The following HK3 variants were observed in gnomAD, a reference collection of about 807,000 sequenced individuals.
The protein encoded by HK3 is hexokinase-3.
HK3 carries 93 observed loss-of-function variants against 91.0 expected under a neutral mutation model. The ratio of observed to expected loss-of-function variants is 1.02; its 90% confidence interval spans 0.86 to 1.21. HK3 has a LOEUF of 1.21. HK3 is among the 50% of genes most tolerant of loss of function. The probability of loss-of-function intolerance (pLI) is 0.00; values close to 1 mark genes in which losing one functional copy is unlikely to be tolerated. For missense variants in HK3, 1,235 were observed against 1,247.4 expected (o/e 0.99, Z 0.15); for synonymous variants, 519 against 516.9 (o/e 1.00, Z -0.06).
Position 176,881,804 on chromosome 5 carries a change from G to A in HK3, c.2281C>T (p.Arg761Cys), listed in dbSNP as rs190052913. 9.9e-6 allele frequency: 16 copies of A among 1,614,074 alleles called. No homozygotes were observed. The highest frequency in any genetic ancestry group is 6.6e-5 in the South Asian group (6 of 91,084). ...CTGGTTAAATGTAAAAGGATGTGGC[G>A]GACGATCTCCCCCAGGTACATGCCG... ...ISGMYLGEIV[R>C]HILLHLTSLG... Residue 761 changes from arginine (R) to cysteine (C), a missense_variant, in exon 17 of 19, where the codon CGC becomes TGC. Arg to Cys is a radical substitution (Grantham distance 180). Around this residue, in one of 3 missense-constraint regions of HK3, gnomAD observed 513 missense variants for 477.4 expected, o/e 1.07. Coordinates refer to ENST00000292432, the MANE Select transcript of HK3 (RefSeq NM_002115.3).
chr5:176,890,281 G>A (rs186171152), intron 6 of HK3, among the ~76,000 whole-genome samples: 12 of 152,170 alleles, frequency 7.9e-5, no homozygotes, highest in African/African-American at 2.4e-4. Context: ...TGCTTCCTCC[G>A]TAGTGCTCCC....
chr5:176,888,723 C>T lies in HK3; in HGVS notation c.1056G>A (p.Val352=). ...LSQGSILLEH[V]AEMEDPSTGA... ...CCCCGACTCACTCCTCCATCTCAGC[C>T]ACGTGTTCCAGGAGGATGCTGCCTT... The change falls in exon 9 of 19, where the codon GTG becomes GTA. Residue 352 remains valine (V), a synonymous_variant. Transcript: ENST00000292432. 6.2e-7 allele frequency: 1 copy of T among 1,614,220 alleles called. No homozygotes were observed. Among genetic ancestry groups the T allele is most frequent in the Non-Finnish European group, 8.5e-7 (1 of 1,180,040 alleles).
intron 2 of HK3, among the ~76,000 whole-genome samples, chr5:176,895,141 C>T (rs1480771449): frequency 6.8e-6 from 1 of 146,566 alleles, no homozygotes; most frequent in Middle Eastern, 3.7e-3. Flanking sequence ...TGCACTGCCA[C>T]AATTTTGGCT....
At position 176,886,910 on chromosome 5, in the gene HK3, G is replaced by A. The variant is rs576189197; in HGVS notation, c.1857+92C>T. On this transcript the variant is annotated intron_variant, in intron 13 of 18. Coordinates refer to ENST00000292432, the MANE Select transcript of HK3 (RefSeq NM_002115.3). ...CACCACCAACCCCAGACCCGCCACCGCCCAGCCTTTTCCCCTGCCTCCTGC... is the reference window on the plus strand; with the variant it reads ...CACCACCAACCCCAGACCCGCCACCACCCAGCCTTTTCCCCTGCCTCCTGC... 1,615 of 1,479,128 alleles carry A rather than the reference G, an allele frequency of 1.1e-3. 2 individuals are homozygous for A. In the Middle Eastern group the frequency reaches 0.012, roughly 11 times the overall value. 91.6% of individuals were successfully genotyped at this position (1,479,128 alleles called of 1,614,324 possible). A position where few individuals can be genotyped will look rare whatever the true frequency, so the allele number is the denominator to read the frequency against.
At chr5:176,886,916 C>T in intron 13 of HK3, 86 bp downstream of exon 13, 1 of 1,522,892 alleles carries the variant, frequency 6.6e-7, no homozygotes, top group Non-Finnish European at 8.9e-7. Context: ...CACCGCCCAG[C>T]CTTTTCCCCT....
chr5:176,882,521 G>C (rs1016357210), intron 15 of HK3, among the ~76,000 whole-genome samples: 7 of 152,216 alleles, frequency 4.6e-5, no homozygotes, highest in African/African-American at 1.7e-4. Context: ...AAGAGGTGCT[G>C]GGCCAAGAGC....
At position 176,887,130 on chromosome 5, in the gene HK3, C is replaced by G; in HGVS notation, c.1738-9G>C. 1 of 1,614,194 alleles carries G rather than the reference C, an allele frequency of 6.2e-7. No homozygotes were observed. The highest frequency in any genetic ancestry group is 1.1e-5 in the South Asian group (1 of 91,086). On this transcript the variant is annotated splice_polypyrimidine_tract_variant and intron_variant, in intron 12 of 18. Coordinates refer to ENST00000292432, the MANE Select transcript of HK3 (RefSeq NM_002115.3). This position sits in a 1 kb window ranked among gnomAD's most constrained non-coding sequence, Gnocchi z 4.9. Reference sequence around the variant, plus strand: ...ACGATGTGGTCAAAGAGCTGTGGGGCAGGACAGGTCAGGCGTAGGCACTGC... The same window carrying G: ...ACGATGTGGTCAAAGAGCTGTGGGGGAGGACAGGTCAGGCGTAGGCACTGC...
Position 176,883,762 on chromosome 5 carries a change from C to T in HK3, c.2053+8G>A. On this transcript the variant is annotated splice_region_variant and intron_variant, in intron 15 of 18. Transcript: ENST00000292432. ...AGTAGGGGCATGAAAGGGCAGGGCC[C>T]TCCTCACCGACAATGAGGCCTATCT... 6.2e-7 allele frequency: 1 copy of T among 1,605,942 alleles called. No homozygotes were observed. The highest frequency in any genetic ancestry group is 8.5e-7 in the Non-Finnish European group (1 of 1,172,846).
chr5:176,887,605 C>T lies in HK3; in HGVS notation c.1446G>A (p.Leu482=), dbSNP rs1223346700. The change falls in exon 11 of 19, where the codon CTG becomes CTA. Residue 482 remains leucine (L), a synonymous_variant. Coordinates refer to ENST00000292432, the MANE Select transcript of HK3 (RefSeq NM_002115.3). This position sits in a 1 kb window ranked among gnomAD's most constrained non-coding sequence, Gnocchi z 4.9. ...GGAATGGGGCCAGGGTCTCCTCCAG[C>T]AGGCGCCGGTGGGCAGCCAGACGGG... ...VAARLAAHRR[L]LEETLAPFRL... is the part of the protein sequence containing the mutation. 1 of 1,613,806 alleles carries T rather than the reference C, an allele frequency of 6.2e-7. No homozygotes were observed. The highest frequency in any genetic ancestry group is 8.5e-7 in the Non-Finnish European group (1 of 1,179,982).
chr5:176,882,379 G>T (rs1036660004), intron 15 of HK3, among the ~76,000 whole-genome samples: 5 of 152,132 alleles, frequency 3.3e-5, no homozygotes, highest in Non-Finnish European at 7.3e-5. Context: ...CCACCCCCAA[G>T]TGCTCCTACA....
At chr5:176,883,904 A>G (rs550062516) in intron 14 of HK3, 35 bp from the exon 15 acceptor site, 3 of 1,606,424 alleles carry the variant, frequency 1.9e-6, no homozygotes, top group Non-Finnish European at 2.6e-6. Context: ...TTGCTGGGCA[A>G]CGCGGTCGTC....
chr5:176,883,450 G>A (rs1475378915), intron 15 of HK3, among the ~76,000 whole-genome samples: 1 of 152,116 alleles, frequency 6.6e-6, no homozygotes, highest in Non-Finnish European at 1.5e-5. Context: ...CTGAGGCTCT[G>A]GTGACTTGCC....
chr5:176,890,190 G>A (rs956398306), intron 6 of HK3, among the ~76,000 whole-genome samples: 4 of 152,148 alleles, frequency 2.6e-5, no homozygotes, highest in Non-Finnish European at 4.4e-5. Flanking sequence ...GGCCTTCTCT[G>A]AGACTAGATC....
rs1758748075 is a variant in HK3 at position 176,890,876 on chromosome 5, AC to A, written c.479del (p.Gly160ValfsTer43). The A allele has an allele frequency of 6.2e-7, 1 of 1,613,908 alleles. No individual in the cohort carries two copies. Among genetic ancestry groups the A allele is most frequent in the Non-Finnish European group, 8.5e-7 (1 of 1,180,050 alleles). ...FLDAQPVNKQ[G>X]LQLGFSFSFP... ...AAGAGAAGCTGAAGCCAAGCTGCAGACCCTGTTTGTTCACAGGCTGCGCATC... is the reference window on the plus strand; with the variant it reads ...AAGAGAAGCTGAAGCCAAGCTGCAGACCTGTTTGTTCACAGGCTGCGCATC... On this transcript the variant is annotated frameshift_variant, in exon 5 of 19. Transcript: ENST00000292432. LOFTEE classifies it high-confidence loss of function.
intron 5 of HK3, 31 bp from the exon 6 acceptor site, chr5:176,890,761 G>A (rs2149376616): frequency 6.2e-7 from 1 of 1,614,176 alleles, no homozygotes; most frequent in Non-Finnish European, 8.5e-7. Context: ...TTACTCCTCT[G>A]ACGGCCTTCA....
At position 176,898,013 on chromosome 5, in the gene HK3, A is replaced by G. The variant is rs550746995; in HGVS notation, c.-27+1254T>C. ...GAGACATCGAAGTGTGCTCACTCAC[A>G]CGGCCGTTCGGGCTGCCTGCGCGCA... On this transcript the variant is annotated intron_variant, in intron 1 of 18. Transcript: ENST00000292432. Among the ~76,000 whole-genome samples the G allele has an allele frequency of 3.3e-5, 5 of 152,228 alleles. No individual in the cohort carries two copies. The East Asian group carries it at 5.8e-4, about 18-fold the overall frequency.
chr5:176,890,815 A>T lies in HK3; in HGVS notation c.534+7T>A, dbSNP rs1002646035. ...CTACCCAGCGTCCCATGTCCACTCC[A>T]CCTCACCCTGTCCAAGCCCGTCTGG... On this transcript the variant is annotated splice_region_variant and intron_variant, in intron 5 of 18. Transcript: ENST00000292432. 2 of 1,614,014 alleles carry T rather than the reference A, an allele frequency of 1.2e-6. No homozygotes were observed. The highest frequency in any genetic ancestry group is 2.7e-5 in the African/African-American group (2 of 75,006).
chr5:176,897,810 A>G (rs993328596), intron 1 of HK3, among the ~76,000 whole-genome samples: 10 of 152,068 alleles, frequency 6.6e-5, no homozygotes, highest in African/African-American at 1.9e-4. Context: ...CCAAGGTTTC[A>G]TTAATAGCTG....
At chr5:176,886,686 T>A (rs1758592292) in intron 13 of HK3, among the ~76,000 whole-genome samples, 1 of 152,140 alleles carries the variant, frequency 6.6e-6, no homozygotes. Context: ...AAGCCCCTGC[T>A]AGAGACAGGA....
Sources: gnomAD v4.1 joint callset for allele counts (sites outside exome capture counted in the v4.1 genomes callset) on GRCh38, gnomAD v4.1.1 for gene constraint, gnomAD v4.1.1 regional missense constraint, Gnocchi (gnomAD v3.1) non-coding constraint, MANE v1.5 for transcripts, NCBI Gene and HGNC (gene_info 2026-07-23, HGNC 2026-07-21) for gene names.